Variants in SLC35F3 observed in about 807,000 individuals in gnomAD.
SLC35F3 encodes the protein solute carrier family 35 member F3, also known as putative thiamine transporter SLC35F3.
In SLC35F3, 25 loss-of-function variants were observed where a neutral mutation model predicts 49.9. The observed-to-expected ratio is 0.50, with a 90% CI of 0.37 to 0.70. The LOEUF is 0.70. SLC35F3 is among the 30% of genes least tolerant of loss of function. SLC35F3 has a pLI of 0.00. For synonymous variants in SLC35F3, 275 were observed against 265.4 expected, an observed-to-expected ratio of 1.04 and a Z score of -0.35; for missense variants, 525 against 639.8, an observed-to-expected ratio of 0.82 and a Z score of 1.94.
intron 2 of SLC35F3, among the ~76,000 whole-genome samples, chr1:234,042,390 G>A (rs1664234134): frequency 6.6e-6 from 1 of 152,102 alleles, no homozygotes; most frequent in African/African-American, 2.4e-5. Context: ...ACCATTTCAA[G>A]TTTAAAAAAG....
At position 234,098,164 on chromosome 1, in the gene SLC35F3, G is replaced by A. The variant is rs553204621; in HGVS notation, c.284-133253G>A. ...GGTGGTGGTAGTGATGGTGTTATACGGTGATGATGGAGGTGGTGACTGTGT... is the reference window on the plus strand; with the variant it reads ...GGTGGTGGTAGTGATGGTGTTATACAGTGATGATGGAGGTGGTGACTGTGT... On this transcript the variant is annotated intron_variant, in intron 2 of 7. Transcript: ENST00000366618. Among the ~76,000 whole-genome samples, 6 of 151,334 alleles carry A rather than the reference G, an allele frequency of 4.0e-5. No homozygotes were observed. The East Asian group carries it at 5.8e-4, about 15-fold the overall frequency.
intron 2 of SLC35F3, among the ~76,000 whole-genome samples, chr1:234,073,716 A>G (rs956545736): frequency 6.6e-6 from 1 of 152,212 alleles, no homozygotes; most frequent in African/African-American, 2.4e-5. Flanking sequence ...CATTGTCCAT[A>G]TAAAATAAAA....
chr1:234,219,520 G>A (rs371341478), intron 2 of SLC35F3, among the ~76,000 whole-genome samples: 17 of 152,194 alleles, frequency 1.1e-4, no homozygotes, highest in Admixed American at 3.3e-4. Context: ...GCTTCCAATC[G>A]AGTGAGGAAT....
chr1:234,122,688 C>G (rs1262211718), intron 2 of SLC35F3, among the ~76,000 whole-genome samples: 1 of 152,136 alleles, frequency 6.6e-6, no homozygotes, highest in Non-Finnish European at 1.5e-5. Flanking sequence ...TCTCATTGTT[C>G]AGCTCCCATT....
At chr1:234,103,542 G>C (rs1036119813) in intron 2 of SLC35F3, among the ~76,000 whole-genome samples, 1 of 152,158 alleles carries the variant, frequency 6.6e-6, no homozygotes, top group African/African-American at 2.4e-5. Flanking sequence ...GTACCACATG[G>C]GACATCCAAT....
intron 2 of SLC35F3, among the ~76,000 whole-genome samples, chr1:234,158,515 C>T (rs1666183612): frequency 6.6e-6 from 1 of 152,152 alleles, no homozygotes; most frequent in African/African-American, 2.4e-5. Context: ...ATAGACATTT[C>T]TATATCATTT....
intron 2 of SLC35F3, among the ~76,000 whole-genome samples, chr1:234,104,962 C>G (rs960812675): frequency 1.3e-5 from 2 of 152,042 alleles, no homozygotes; most frequent in African/African-American, 4.8e-5. Flanking sequence ...AACCCCGTCT[C>G]TACTAAAAAT....
chr1:234,313,128 C>T (rs1348254264), intron 4 of SLC35F3, among the ~76,000 whole-genome samples: 1 of 152,200 alleles, frequency 6.6e-6, no homozygotes, highest in Non-Finnish European at 1.5e-5. Context: ...CTGCCCGCCT[C>T]AGCCTCCCAA....
At chr1:234,058,729 G>T (rs1218755708) in intron 2 of SLC35F3, among the ~76,000 whole-genome samples, 5 of 152,172 alleles carry the variant, frequency 3.3e-5, no homozygotes, top group African/African-American at 1.2e-4. Flanking sequence ...TCTTGTGAAT[G>T]ACTTTGTCTG....
intron 2 of SLC35F3, among the ~76,000 whole-genome samples, chr1:234,059,150 A>G (rs771843389): frequency 1.4e-5 from 2 of 147,266 alleles, no homozygotes; most frequent in Non-Finnish European, 3.0e-5. Context: ...ATTTTTCTCT[A>G]TTGTTTTTCT....
At chr1:233,944,653 T>C (rs1468652242) in intron 2 of SLC35F3, among the ~76,000 whole-genome samples, 3 of 152,228 alleles carry the variant, frequency 2.0e-5, no homozygotes, top group East Asian at 1.9e-4. Flanking sequence ...CACTGACTTC[T>C]AGTAAACCAG....
rs1217150352 is a variant in SLC35F3 at position 234,324,348 on chromosome 1, T to C, written c.*1105T>C. On this transcript the variant is annotated 3_prime_UTR_variant, in exon 8 of 8. Transcript: ENST00000366618. ...ATTGTTACATATGAAATGGAAACATTATTTTGAAACGTTGTCATAACCCAA... is the reference window on the plus strand; with the variant it reads ...ATTGTTACATATGAAATGGAAACATCATTTTGAAACGTTGTCATAACCCAA... The C allele has an allele frequency of 6.6e-6, 1 of 152,212 alleles. No individual in the cohort carries two copies. Among genetic ancestry groups the C allele is most frequent in the Non-Finnish European group, 1.5e-5 (1 of 68,024 alleles). The allele number at this position is 152,212 out of a possible 1,614,324, so 9.4% of individuals were successfully genotyped here. A position where few individuals can be genotyped will look rare whatever the true frequency, so the allele number is the denominator to read the frequency against.
chr1:234,257,617 A>C (rs2102966648), intron 3 of SLC35F3, among the ~76,000 whole-genome samples: 1 of 152,366 alleles, frequency 6.6e-6, no homozygotes, highest in African/African-American at 2.4e-5. Context: ...CTGGTTCATT[A>C]GGGAATAATT....
intron 2 of SLC35F3, among the ~76,000 whole-genome samples, chr1:234,194,220 A>G (rs775914640): frequency 6.6e-6 from 1 of 152,232 alleles, no homozygotes; most frequent in Non-Finnish European, 1.5e-5. Context: ...ATGCTCATCA[A>G]TCAATGAGTG....
At position 234,142,460 on chromosome 1, in the gene SLC35F3, A is replaced by G. The variant is rs139207887; in HGVS notation, c.284-88957A>G. 1.1e-3 allele frequency among the ~76,000 whole-genome samples: 171 copies of G among 152,334 alleles called. 2 individuals carry two copies. Among genetic ancestry groups the G allele is most frequent in the African/African-American group, 3.7e-3 (155 of 41,580 alleles). On this transcript the variant is annotated intron_variant, in intron 2 of 7. Transcript: ENST00000366618. ...CCACTGCGGTGGAGAGGGCTGCTGC[A>G]GTGAATGACTGAGACCTCTGGAAAG...
At chr1:233,924,191 G>C (rs111401127) in intron 2 of SLC35F3, among the ~76,000 whole-genome samples, 1 of 151,948 alleles carries the variant, frequency 6.6e-6, no homozygotes, top group African/African-American at 2.4e-5. Context: ...CTTTTTTTCT[G>C]TTGATTGGAA....
At chr1:233,930,155 G>GAA (rs55771904) in intron 2 of SLC35F3, among the ~76,000 whole-genome samples, 91 of 145,874 alleles carry the variant, frequency 6.2e-4, no homozygotes, top group African/African-American at 1.3e-3. Flanking sequence ...TTTCTTAAAA[G>GAA]AAAAAAAAAA....
intron 2 of SLC35F3, among the ~76,000 whole-genome samples, chr1:234,095,891 G>A (rs1665109422): frequency 6.6e-6 from 1 of 152,214 alleles, no homozygotes; most frequent in South Asian, 2.1e-4. Context: ...ACATCATAAA[G>A]TCTCATGAAG....
intron 2 of SLC35F3, among the ~76,000 whole-genome samples, chr1:233,986,906 T>C (rs1329620907): frequency 2.0e-5 from 3 of 152,230 alleles, no homozygotes; most frequent in Non-Finnish European, 4.4e-5. Context: ...TTTTCTGTAT[T>C]GGATCCTCTG....
Sources: allele counts gnomAD v4.1 joint callset (sites outside exome capture counted in the v4.1 genomes callset), GRCh38; gene constraint gnomAD v4.1.1; transcripts MANE v1.5; gene names NCBI Gene and HGNC (gene_info 2026-07-23, HGNC 2026-07-21).